Variants in OGDH observed in about 807,000 individuals in gnomAD.
The protein encoded by OGDH is oxoglutarate dehydrogenase.
A neutral mutation model predicts 116.6 loss-of-function variants in OGDH; 38 were observed. That is an observed-to-expected ratio of 0.33 (90% CI 0.25 to 0.43). The LOEUF is 0.43. Ranked by LOEUF, OGDH falls within the 20% of genes least tolerant of loss-of-function variation. OGDH has a pLI of 1.00. For synonymous variants in OGDH, 488 were observed against 533.3 expected (o/e 0.92, Z 1.17); for missense variants, 825 against 1,357.2 (o/e 0.61, Z 6.16).
chr7:44,656,050 C>T (rs544719221), intron 4 of OGDH, among the ~76,000 whole-genome samples: 102 of 152,292 alleles, frequency 6.7e-4, no homozygotes, highest in African/African-American at 2.4e-3. Flanking sequence ...GATGGCTTTC[C>T]ATCGTCAGGG....
chr7:44,693,189 T>C lies in OGDH; in HGVS notation c.1336-636T>C, dbSNP rs537635193. Among the ~76,000 whole-genome samples the C allele has an allele frequency of 4.6e-5, 7 of 152,170 alleles. No homozygotes were observed. In the East Asian group the frequency reaches 1.4e-3, roughly 29 times the overall value. The stretch of plus-strand genomic sequence containing the variant: ...CAGGCATGGTGGTGCGTGCCTGTAT[T>C]CCCAGCTACTGGGGAGGCTAAGGCA... On this transcript the variant is annotated intron_variant, in intron 10 of 22. Coordinates refer to ENST00000222673, the MANE Select transcript of OGDH (RefSeq NM_002541.4).
In OGDH at chr7:44,624,312, T is replaced by TTTTTTA; in HGVS notation, c.-27-5_-27-4insTTTTTA. ...TCTTGTTTTTTTTTTTTTTTTTTTG[T>TTTTTTA]ACAGGCAGTTGTGAAAAACTTCAGG... On this transcript the variant is annotated splice_region_variant and splice_polypyrimidine_tract_variant and intron_variant, in intron 1 of 22. Coordinates refer to ENST00000222673, the MANE Select transcript of OGDH (RefSeq NM_002541.4). The TTTTTTA allele has an allele frequency of 2.4e-6, 3 of 1,255,816 alleles. No homozygotes were observed. The highest frequency in any genetic ancestry group is 3.3e-6 in the Non-Finnish European group (3 of 905,954). The allele number at this position is 1,255,816 out of a possible 1,614,324, so 77.8% of individuals were successfully genotyped here.
intron 1 of OGDH, among the ~76,000 whole-genome samples, chr7:44,616,948 TCGGAG>T (rs764913459): frequency 2.4e-4 from 30 of 126,946 alleles, no homozygotes; most frequent in South Asian, 1.1e-3. Context: ...GAGACTCCTT[TCGGAG>T]CTCTGGAGTC....
At chr7:44,626,830 G>C (rs1393385180) in intron 2 of OGDH, among the ~76,000 whole-genome samples, 1 of 152,154 alleles carries the variant, frequency 6.6e-6, no homozygotes, top group Non-Finnish European at 1.5e-5. Flanking sequence ...GCTTGTAGAG[G>C]GGAGGGGACA....
chr7:44,708,332 T>A lies in OGDH; in HGVS notation c.*333T>A. 1 of 253,694 alleles carries A rather than the reference T, an allele frequency of 3.9e-6. No homozygotes were observed. Among genetic ancestry groups the A allele is most frequent in the Non-Finnish European group, 7.7e-6 (1 of 129,868 alleles). 15.7% of individuals were successfully genotyped at this position (253,694 alleles called of 1,614,324 possible). On this transcript the variant is annotated 3_prime_UTR_variant, in exon 23 of 23. Coordinates refer to ENST00000222673, the MANE Select transcript of OGDH (RefSeq NM_002541.4). ...TCCCCACCAGTCTCACCCACTAGGA[T>A]AGGAACTGGGCCTTGTGTGCTGGCT...
chr7:44,695,722 G>A (rs1788553599), intron 12 of OGDH, among the ~76,000 whole-genome samples: 1 of 151,710 alleles, frequency 6.6e-6, no homozygotes, highest in Admixed American at 6.6e-5. Context: ...AAAAAAAGTG[G>A]TGAAGGGTTA....
chr7:44,623,613 A>AC (rs1554297232), intron 1 of OGDH, among the ~76,000 whole-genome samples: 2 of 151,822 alleles, frequency 1.3e-5, no homozygotes, highest in East Asian at 1.9e-4. Context: ...TCGTATGTTT[A>AC]TCATCTTAGC....
At chr7:44,627,038 T>C (rs183617602) in intron 2 of OGDH, among the ~76,000 whole-genome samples, 1 of 152,258 alleles carries the variant, frequency 6.6e-6, no homozygotes, top group Non-Finnish European at 1.5e-5. Context: ...ACTCTGTCGC[T>C]CAGACTGGAG....
chr7:44,641,225 C>CTTTTTTTTTTTTTTTTTTT (rs1175522868), intron 2 of OGDH, among the ~76,000 whole-genome samples: 10 of 81,636 alleles, frequency 1.2e-4, no homozygotes, highest in Non-Finnish European at 1.9e-4. Flanking sequence ...TTTTTTTTTT[C>CTTTTTTTTTTTTTTTTTTT]TTTTTTTTTT....
At chr7:44,704,685 T>C (rs939682823) in intron 20 of OGDH, among the ~76,000 whole-genome samples, 1 of 151,982 alleles carries the variant, frequency 6.6e-6, no homozygotes, top group African/African-American at 2.4e-5. Context: ...TTGGTTTTGG[T>C]TTTGGGTTTG....
intron 2 of OGDH, 37 bp from the exon 3 acceptor site, chr7:44,645,290 G>A: frequency 6.3e-7 from 1 of 1,585,416 alleles, no homozygotes; most frequent in Non-Finnish European, 8.6e-7. Context: ...GGACTTAGGG[G>A]AGCAGTGAGG....
At chr7:44,639,042 A>G (rs1177641865) in intron 2 of OGDH, among the ~76,000 whole-genome samples, 2 of 152,178 alleles carry the variant, frequency 1.3e-5, no homozygotes, top group East Asian at 3.9e-4. Flanking sequence ...GTGAAGGGAG[A>G]GGACAAACAT....
chr7:44,685,619 T>C (rs920689871), intron 10 of OGDH, among the ~76,000 whole-genome samples: 1 of 152,092 alleles, frequency 6.6e-6, no homozygotes, highest in Non-Finnish European at 1.5e-5. Context: ...CACCCTGCTT[T>C]CTTTTTTTTT....
intron 10 of OGDH, among the ~76,000 whole-genome samples, chr7:44,687,147 G>T (rs1433618061): frequency 7.5e-6 from 1 of 134,152 alleles, no homozygotes; most frequent in Non-Finnish European, 1.5e-5. Context: ...ACCCAGGCTA[G>T]AGTGCAGTGG....
chr7:44,639,569 T>C lies in OGDH; in HGVS notation c.223-5758T>C, dbSNP rs552226765. 9.2e-5 allele frequency among the ~76,000 whole-genome samples: 14 copies of C among 152,370 alleles called. No individual in the cohort carries two copies. In the East Asian group the frequency reaches 2.7e-3, roughly 29 times the overall value. On this transcript the variant is annotated intron_variant, in intron 2 of 22. Coordinates refer to ENST00000222673, the MANE Select transcript of OGDH (RefSeq NM_002541.4). ...TTAAAATTCACTTGTTTTAAGTGTT[T>C]AGTGCAGTAGGTTTTGCCAAATGTG...
At position 44,700,219 on chromosome 7, in the gene OGDH, A is replaced by G; in HGVS notation, c.2509A>G (p.Asn837Asp). The change falls in exon 19 of 23, where the codon AAC (asparagine) becomes GAC (aspartate). Residue 837 changes from asparagine (N) to aspartate (D), a missense_variant. Asn to Asp is a conservative substitution (Grantham distance 23). Coordinates refer to ENST00000222673, the MANE Select transcript of OGDH (RefSeq NM_002541.4). ...WVVVNCSTPG[N>D]FFHVLRRQIL... The stretch of plus-strand genomic sequence containing the variant: ...TGTTGTCAACTGCTCCACTCCTGGC[A>G]ACTTCTTCCACGTGCTACGACGCCA... The G allele has an allele frequency of 6.2e-7, 1 of 1,614,202 alleles. No homozygotes were observed. Among genetic ancestry groups the G allele is most frequent in the Non-Finnish European group, 8.5e-7 (1 of 1,180,020 alleles).
chr7:44,642,758 C>T (rs542918721), intron 2 of OGDH, among the ~76,000 whole-genome samples: 1 of 152,034 alleles, frequency 6.6e-6, no homozygotes, highest in South Asian at 2.1e-4. Flanking sequence ...CCTGTCTCTA[C>T]TAAAAATACA....
intron 1 of OGDH, among the ~76,000 whole-genome samples, chr7:44,616,798 T>TATATATAC (rs1491279185): frequency 1.2e-4 from 12 of 102,890 alleles, no homozygotes; most frequent in African/African-American, 3.3e-4. Flanking sequence ...TATATATGTG[T>TATATATAC]ATATATATGC....
intron 8 of OGDH, among the ~76,000 whole-genome samples, chr7:44,675,734 G>A (rs11981698): frequency 0.16 from 24,519 of 151,772 alleles, 4,553 homozygotes; most frequent in African/African-American, 0.44. Flanking sequence ...AAAATTAGCC[G>A]GGCGTGGTGG....
Sources: allele counts gnomAD v4.1 joint callset (sites outside exome capture counted in the v4.1 genomes callset), GRCh38; gene constraint gnomAD v4.1.1; transcripts MANE v1.5; gene names NCBI Gene and HGNC (gene_info 2026-07-23, HGNC 2026-07-21).